The following PRDM16 variants were observed in gnomAD, a reference collection of about 807,000 sequenced individuals.
PRDM16 encodes the protein PR/SET domain 16.
A neutral mutation model predicts 110.6 loss-of-function variants in PRDM16; 23 were observed. The observed-to-expected ratio is 0.21, with a 90% confidence interval of 0.15 to 0.29. PRDM16 has a LOEUF of 0.29. Ranked by LOEUF, PRDM16 falls within the 10% of genes least tolerant of loss-of-function variation. The probability of loss-of-function intolerance (pLI) is 1.00; values close to 1 mark genes in which losing one functional copy is unlikely to be tolerated. For missense variants in PRDM16, 1,615 were observed against 1,794.3 expected (o/e 0.90, Z 1.81); for synonymous variants, 799 against 781.8 (o/e 1.02, Z -0.37).
chr1:3,312,607 G>A (rs112797262), intron 3 of PRDM16, among the ~76,000 whole-genome samples: 3 of 152,350 alleles, frequency 2.0e-5, no homozygotes, highest in African/African-American at 4.8e-5. Flanking sequence ...CCAGAAGTCC[G>A]GTGAGGGGCT....
intron 3 of PRDM16, among the ~76,000 whole-genome samples, chr1:3,273,975 G>GGAAA (rs1569971594): frequency 2.6e-5 from 2 of 76,484 alleles, no homozygotes; most frequent in African/African-American, 2.1e-4. Flanking sequence ...GTATGGGGAG[G>GGAAA]TAAAAAAAAA....
intron 3 of PRDM16, among the ~76,000 whole-genome samples, chr1:3,330,899 TG>T (rs1214350758): frequency 6.6e-6 from 1 of 152,230 alleles, no homozygotes; most frequent in African/African-American, 2.4e-5. Context: ...CCTGCTGCTC[TG>T]GGGCAGAAAT....
chr1:3,264,287 C>A (rs1025105554), intron 3 of PRDM16, among the ~76,000 whole-genome samples: 2 of 152,118 alleles, frequency 1.3e-5, no homozygotes, highest in Admixed American at 1.3e-4. Flanking sequence ...CAGAGCTGAG[C>A]CTTCCAGGTG....
intron 1 of PRDM16, among the ~76,000 whole-genome samples, chr1:3,152,289 C>A (rs1453133499): frequency 6.6e-6 from 1 of 152,148 alleles, no homozygotes; most frequent in Non-Finnish European, 1.5e-5. Context: ...TTCATCCATC[C>A]ATTTATCCCT....
Position 3,244,963 on chromosome 1 carries a change from AAAATT to A in PRDM16, c.438+830_438+834del, listed in dbSNP as rs1385920316. Reference sequence around the variant, plus strand: ...TATTTTTTGGGGGGGGGTTTCTAGTAAAATTAAAGTAACAGTCTCTCGCTTGGCAT... The same window carrying A: ...TATTTTTTGGGGGGGGGTTTCTAGTAAAAGTAACAGTCTCTCGCTTGGCAT... On this transcript the variant is annotated intron_variant, in intron 3 of 16. Coordinates refer to ENST00000270722, the MANE Select transcript of PRDM16 (RefSeq NM_022114.4). The surrounding 1 kb of genome is among the most constrained non-coding windows in gnomAD (Gnocchi z 4.1). 3.9e-5 allele frequency among the ~76,000 whole-genome samples: 6 copies of A among 152,158 alleles called. No individual in the cohort carries two copies. Among genetic ancestry groups the A allele is most frequent in the Non-Finnish European group, 1.5e-5 (1 of 68,036 alleles).
chr1:3,213,994 C>T lies in PRDM16; in HGVS notation c.387+27520C>T, dbSNP rs991939820. On this transcript the variant is annotated intron_variant, in intron 2 of 16. Coordinates refer to ENST00000270722, the MANE Select transcript of PRDM16 (RefSeq NM_022114.4). This position sits in a 1 kb window ranked among gnomAD's most constrained non-coding sequence, Gnocchi z 5.3. ...TGCGCCCAGACACATGTCGGAGTCT[C>T]GTGTGGCCACTGGGTCCGCCTCGGC... Among the ~76,000 whole-genome samples, 6 of 152,086 alleles carry T rather than the reference C, an allele frequency of 3.9e-5. No homozygotes were observed. Among genetic ancestry groups the T allele is most frequent in the African/African-American group, 1.4e-4 (6 of 41,398 alleles).
chr1:3,288,143 A>G (rs1331472364), intron 3 of PRDM16, among the ~76,000 whole-genome samples: 1 of 152,232 alleles, frequency 6.6e-6, no homozygotes, highest in Admixed American at 6.5e-5. Context: ...AGAGTGCCCA[A>G]GGAGCCAGCT....
chr1:3,331,531 C>T (rs749127611), intron 3 of PRDM16, among the ~76,000 whole-genome samples: 10 of 152,198 alleles, frequency 6.6e-5, no homozygotes, highest in Non-Finnish European at 1.2e-4. Flanking sequence ...TACAAAGGGA[C>T]ACACATGGGA....
At chr1:3,093,316 C>T (rs563677820) in intron 1 of PRDM16, among the ~76,000 whole-genome samples, 12 of 152,288 alleles carry the variant, frequency 7.9e-5, no homozygotes, top group East Asian at 5.8e-4. Context: ...TCCAACGTTG[C>T]GATGTTTGGT....
chr1:3,093,623 T>A (rs1642326812), intron 1 of PRDM16, among the ~76,000 whole-genome samples: 1 of 151,652 alleles, frequency 6.6e-6, no homozygotes, highest in Admixed American at 6.6e-5. Context: ...GATTGTGGGG[T>A]TCACATGAGT....
At chr1:3,407,527 G>A (rs1040901423) in intron 8 of PRDM16, among the ~76,000 whole-genome samples, 2 of 152,134 alleles carry the variant, frequency 1.3e-5, no homozygotes, top group Admixed American at 6.5e-5. Context: ...GGGCTGGGGC[G>A]GGGGGTGACT....
At chr1:3,311,676 G>A (rs940592881) in intron 3 of PRDM16, among the ~76,000 whole-genome samples, 1 of 152,186 alleles carries the variant, frequency 6.6e-6, no homozygotes, top group Non-Finnish European at 1.5e-5. Context: ...CGAGAGCTGG[G>A]TGAGCCCAGT....
chr1:3,097,718 C>T (rs558148744), intron 1 of PRDM16, among the ~76,000 whole-genome samples: 3 of 152,300 alleles, frequency 2.0e-5, no homozygotes, highest in African/African-American at 7.2e-5. Context: ...CAGGGGCAGC[C>T]ACAGGGTCTC....
chr1:3,249,634 T>C (rs1639880284), intron 3 of PRDM16, among the ~76,000 whole-genome samples: 1 of 152,228 alleles, frequency 6.6e-6, no homozygotes, highest in Non-Finnish European at 1.5e-5. Context: ...CAGTTATGTC[T>C]TTATGAAATC....
At chr1:3,395,027 T>C (rs1643364558) in intron 4 of PRDM16, among the ~76,000 whole-genome samples, 1 of 152,244 alleles carries the variant, frequency 6.6e-6, no homozygotes, top group South Asian at 2.1e-4. Flanking sequence ...TGCACCTGCC[T>C]GTCCTCCTTC....
intron 2 of PRDM16, among the ~76,000 whole-genome samples, chr1:3,200,824 C>A (rs2651922): frequency 2.0e-5 from 3 of 151,956 alleles, no homozygotes; most frequent in African/African-American, 7.3e-5. Flanking sequence ...AGCCTCCACC[C>A]CGATGATGCT....
chr1:3,425,998 G>A lies in PRDM16; in HGVS notation c.3110-53G>A, dbSNP rs945543740. On this transcript the variant is annotated intron_variant, in intron 13 of 16. Coordinates refer to ENST00000270722, the MANE Select transcript of PRDM16 (RefSeq NM_022114.4). The surrounding 1 kb of genome is among the most constrained non-coding windows in gnomAD (Gnocchi z 6.9). The stretch of plus-strand genomic sequence containing the variant: ...CCCGTTCGCGGTTGGTTTGCCCCAC[G>A]GAGGGAGGGGTCCAGCGAGAGGCCG... The A allele has an allele frequency of 4.6e-5, 72 of 1,568,002 alleles. No individual in the cohort carries two copies. The highest frequency in any genetic ancestry group is 2.0e-4 in the East Asian group (9 of 44,278).
At position 3,334,769 on chromosome 1, in the gene PRDM16, TC is replaced by T. The variant is rs1300484771; in HGVS notation, c.439-50382del. Among the ~76,000 whole-genome samples the T allele has an allele frequency of 2.6e-5, 4 of 152,214 alleles. No homozygotes were observed. The East Asian group carries it at 7.7e-4, about 29-fold the overall frequency. On this transcript the variant is annotated intron_variant, in intron 3 of 16. Coordinates refer to ENST00000270722, the MANE Select transcript of PRDM16 (RefSeq NM_022114.4). ...CCCATCAATCATCATCGCCAAGTGC[TC>T]GCCGGGAACAGAGCAAACGAACACT...
chr1:3,194,190 G>A (rs1158947451), intron 2 of PRDM16, among the ~76,000 whole-genome samples: 1 of 152,234 alleles, frequency 6.6e-6, no homozygotes, highest in Non-Finnish European at 1.5e-5. Context: ...GCAACGCTCA[G>A]TGCACACTGG....
Sources: gnomAD v4.1 joint callset for allele counts (sites outside exome capture counted in the v4.1 genomes callset) on GRCh38, gnomAD v4.1.1 for gene constraint, Gnocchi (gnomAD v3.1) non-coding constraint, MANE v1.5 for transcripts, NCBI Gene and HGNC (gene_info 2026-07-23, HGNC 2026-07-21) for gene names.